Variants in PALLD observed in about 807,000 individuals in gnomAD.
PALLD encodes palladin.
A neutral mutation model predicts 123.5 loss-of-function variants in PALLD; 61 were observed. That is an observed-to-expected ratio of 0.49 (90% CI 0.40 to 0.61). PALLD has a LOEUF of 0.61. Among genes scored for constraint, PALLD ranks in the 20% least tolerant of loss-of-function variants. The probability of loss-of-function intolerance (pLI) is 0.00; values close to 1 mark genes in which losing one functional copy is unlikely to be tolerated. For synonymous variants in PALLD, 465 were observed against 496.4 expected (o/e 0.94, Z 0.84); for missense variants, 1,273 against 1,377.0 (o/e 0.92, Z 1.20).
At chr4:168,849,256 G>A (rs538295439) in intron 10 of PALLD, among the ~76,000 whole-genome samples, 2 of 152,348 alleles carry the variant, frequency 1.3e-5, no homozygotes, top group East Asian at 1.9e-4. Context: ...ACGTCTGCAC[G>A]CCCCTGGTGC....
At chr4:168,727,216 A>T (rs1786680917) in intron 10 of PALLD, among the ~76,000 whole-genome samples, 1 of 152,088 alleles carries the variant, frequency 6.6e-6, no homozygotes, top group East Asian at 1.9e-4. Flanking sequence ...TGGTATAATG[A>T]TCTATTTTCC....
At chr4:168,581,367 C>T (rs985666818) in intron 2 of PALLD, among the ~76,000 whole-genome samples, 2 of 151,962 alleles carry the variant, frequency 1.3e-5, no homozygotes, top group African/African-American at 4.8e-5. Flanking sequence ...CCATTCCCAC[C>T]AACAGTGTAC....
intron 10 of PALLD, among the ~76,000 whole-genome samples, chr4:168,778,568 T>A (rs1735488182): frequency 6.6e-6 from 1 of 152,168 alleles, no homozygotes; most frequent in African/African-American, 2.4e-5. Context: ...AGATTTAGGG[T>A]GTCTAGCACA....
chr4:168,668,314 T>G lies in PALLD; in HGVS notation c.1033T>G (p.Leu345Val). The change falls in exon 3 of 22, where the codon TTG becomes GTG. Residue 345 changes from leucine to valine, a missense_variant. Physicochemically the swap from Leu to Val is conservative, Grantham distance 32 (BLOSUM62 1). Coordinates refer to ENST00000505667, the MANE Select transcript of PALLD (RefSeq NM_001166108.2). ...FEDDTGRYTC[L>V]ATNPSGSDTT... ...GGACGACACAGGTCGCTACACCTGT[T>G]TGGCTACGAATCCCAGCGGCTCAGA... 1.2e-6 allele frequency: 2 copies of G among 1,613,122 alleles called. No individual in the cohort carries two copies. The highest frequency in any genetic ancestry group is 2.7e-5 in the African/African-American group (2 of 75,026).
chr4:168,524,216 G>A (rs1763836233), intron 2 of PALLD, among the ~76,000 whole-genome samples: 2 of 152,132 alleles, frequency 1.3e-5, no homozygotes, highest in African/African-American at 4.8e-5. Flanking sequence ...GGTCAGAATT[G>A]TTTGGCAGCT....
chr4:168,722,960 A>T (rs1190488950), intron 10 of PALLD, among the ~76,000 whole-genome samples: 2 of 152,236 alleles, frequency 1.3e-5, no homozygotes, highest in African/African-American at 4.8e-5. Flanking sequence ...GGAGTGTCAG[A>T]TGAGAAAATA....
At chr4:168,618,625 G>A (rs535663769) in intron 2 of PALLD, among the ~76,000 whole-genome samples, 2 of 152,318 alleles carry the variant, frequency 1.3e-5, no homozygotes, top group South Asian at 4.1e-4. Context: ...AGTATTAGGA[G>A]GAAATGCAGA....
intron 10 of PALLD, among the ~76,000 whole-genome samples, chr4:168,812,285 C>T (rs953617389): frequency 6.6e-5 from 10 of 152,138 alleles, no homozygotes; most frequent in Admixed American, 5.9e-4. Context: ...AGAAATACGG[C>T]AGTACAGACG....
chr4:168,623,360 T>A (rs772978102), intron 2 of PALLD, among the ~76,000 whole-genome samples: 18 of 152,214 alleles, frequency 1.2e-4, no homozygotes, highest in Non-Finnish European at 2.2e-4. Context: ...AATAATACTT[T>A]AATTATAAGC....
chr4:168,528,788 T>C (rs1260836579), intron 2 of PALLD, among the ~76,000 whole-genome samples: 1 of 152,178 alleles, frequency 6.6e-6, no homozygotes, highest in African/African-American at 2.4e-5. Flanking sequence ...CTCAAAACAA[T>C]TTATTATTTT....
At position 168,591,065 on chromosome 4, in the gene PALLD, G is replaced by T. The variant is rs540640560; in HGVS notation, c.909-77125G>T. 3.9e-5 allele frequency among the ~76,000 whole-genome samples: 6 copies of T among 152,070 alleles called. No individual in the cohort carries two copies. In the South Asian group the frequency reaches 8.3e-4, roughly 21 times the overall value. ...CAGCTAATTTTGCACTTTTAGTAGA[G>T]ACAGAGTTTCGCCATGTTGGCCAAG... On this transcript the variant is annotated intron_variant, in intron 2 of 21. Transcript: ENST00000505667.
chr4:168,554,342 A>G (rs1767052139), intron 2 of PALLD, among the ~76,000 whole-genome samples: 1 of 152,148 alleles, frequency 6.6e-6, no homozygotes, highest in South Asian at 2.1e-4. Flanking sequence ...ACCCTTATTG[A>G]GTTTCTCTCT....
chr4:168,509,233 T>G (rs1342951179), intron 1 of PALLD, among the ~76,000 whole-genome samples: 3 of 152,210 alleles, frequency 2.0e-5, no homozygotes, highest in African/African-American at 7.2e-5. Flanking sequence ...TTCCAAACAT[T>G]GTATTTTATT....
At chr4:168,656,299 A>C (rs1778563352) in intron 2 of PALLD, among the ~76,000 whole-genome samples, 1 of 132,956 alleles carries the variant, frequency 7.5e-6, no homozygotes, top group South Asian at 2.4e-4. Context: ...AAATTTTCAC[A>C]ATGTAGGTAA....
At position 168,759,201 on chromosome 4, in the gene PALLD, AAATATATATATATATATATATAT is replaced by A. The variant is rs1242803117; in HGVS notation, c.1964+47280_1964+47302del. On this transcript the variant is annotated intron_variant, in intron 10 of 21. Coordinates refer to ENST00000505667, the MANE Select transcript of PALLD (RefSeq NM_001166108.2). Reference sequence around the variant, plus strand: ...TCTCAAAAAAAAAAAAAAAAAAAAAAAATATATATATATATATATATATATATATATATATATATATATAGAAA... The same window carrying A: ...TCTCAAAAAAAAAAAAAAAAAAAAAAATATATATATATATATATATAGAAA... Among the ~76,000 whole-genome samples the A allele has an allele frequency of 2.2e-3, 76 of 34,498 alleles. 6 individuals are homozygous for A. The highest frequency in any genetic ancestry group is 8.8e-3 in the African/African-American group (64 of 7,314). The allele number at this position is 34,498 out of a possible 152,430, so 22.6% of individuals were successfully genotyped here. A position where few individuals can be genotyped will look rare whatever the true frequency, so the allele number is the denominator to read the frequency against.
chr4:168,748,535 C>G (rs1730613697), intron 10 of PALLD, among the ~76,000 whole-genome samples: 1 of 152,164 alleles, frequency 6.6e-6, no homozygotes, highest in Non-Finnish European at 1.5e-5. Context: ...TGGCTTAAAA[C>G]ACCCCACATT....
intron 10 of PALLD, among the ~76,000 whole-genome samples, chr4:168,755,494 T>A (rs942758179): frequency 6.6e-6 from 1 of 151,762 alleles, no homozygotes; most frequent in African/African-American, 2.4e-5. Context: ...ACATAGGGCA[T>A]GATGGGGAAG....
At chr4:168,817,595 G>A (rs1742156299) in intron 10 of PALLD, among the ~76,000 whole-genome samples, 1 of 152,158 alleles carries the variant, frequency 6.6e-6, no homozygotes, top group African/African-American at 2.4e-5. Flanking sequence ...CCAATAATAT[G>A]TCACTGATCC....
intron 10 of PALLD, among the ~76,000 whole-genome samples, chr4:168,722,233 T>C (rs1280373816): frequency 2.0e-5 from 3 of 152,060 alleles, no homozygotes; most frequent in Admixed American, 2.0e-4. Context: ...TTTGTAGAGA[T>C]GGAGTTTTGC....
Sources: allele counts gnomAD v4.1 joint callset (sites outside exome capture counted in the v4.1 genomes callset), GRCh38; gene constraint gnomAD v4.1.1; transcripts MANE v1.5; gene names NCBI Gene and HGNC (gene_info 2026-07-23, HGNC 2026-07-21).